The following PRKDC variants were observed in gnomAD, a reference collection of about 807,000 sequenced individuals.
PRKDC encodes protein kinase, DNA-activated, catalytic subunit, also known as DNA-dependent protein kinase catalytic subunit.
A neutral mutation model predicts 486.9 loss-of-function variants in PRKDC; 82 were observed. The ratio of observed to expected loss-of-function variants is 0.17; its 90% CI spans 0.14 to 0.20. The LOEUF is 0.20. Among genes scored for constraint, PRKDC ranks in the 10% least tolerant of loss-of-function variants. The pLI is 1.00. For synonymous variants in PRKDC, 1,895 were observed against 1,837.0 expected, an observed-to-expected ratio of 1.03 and a Z score of -0.81; for missense variants, 4,504 against 5,038.2, an observed-to-expected ratio of 0.89 and a Z score of 3.21.
chr8:47,887,202 A>G lies in PRKDC; in HGVS notation c.4572+345T>C, dbSNP rs183998372. Among the ~76,000 whole-genome samples, 28 of 152,276 alleles carry G rather than the reference A, an allele frequency of 1.8e-4. No homozygotes were observed. The East Asian group carries it at 2.9e-3, about 16-fold the overall frequency. On this transcript the variant is annotated intron_variant, in intron 35 of 85. Transcript: ENST00000314191. ...TGGTTCCTCTGGGATTATCCTTCAG[A>G]GGCCCTCCCAATCATCCATGTGAAG...
At chr8:47,914,462 A>G (rs755237327) in intron 23 of PRKDC, among the ~76,000 whole-genome samples, 6 of 152,226 alleles carry the variant, frequency 3.9e-5, no homozygotes, top group Non-Finnish European at 8.8e-5. Flanking sequence ...AAATTTCAAA[A>G]GTAAAAATAC....
Position 47,851,319 on chromosome 8 carries a change from T to G in PRKDC, c.7005+1354A>C, listed in dbSNP as rs982212365. Among the ~76,000 whole-genome samples, 2 of 152,280 alleles carry G rather than the reference T, an allele frequency of 1.3e-5. 1 individual carries two copies. The highest frequency in any genetic ancestry group is 2.9e-5 in the Non-Finnish European group (2 of 68,044). On this transcript the variant is annotated intron_variant, in intron 52 of 85. Coordinates refer to ENST00000314191, the MANE Select transcript of PRKDC (RefSeq NM_006904.7). ...ATATTATGTAGATTTAAACCTCATATTTAGGGATGTTAGAATCATCTTGTA... is the reference window on the plus strand; with the variant it reads ...ATATTATGTAGATTTAAACCTCATAGTTAGGGATGTTAGAATCATCTTGTA...
chr8:47,867,059 C>T (rs1459286524), intron 40 of PRKDC, among the ~76,000 whole-genome samples: 1 of 152,136 alleles, frequency 6.6e-6, no homozygotes, highest in Non-Finnish European at 1.5e-5. Flanking sequence ...TTATGTTTAA[C>T]AGCAAAAGAT....
rs1488287281 is a variant in PRKDC at position 47,803,464 on chromosome 8, G to C, written c.9764C>G (p.Ala3255Gly). 1 of 1,613,884 alleles carries C rather than the reference G, an allele frequency of 6.2e-7. No homozygotes were observed. Among genetic ancestry groups the C allele is most frequent in the Non-Finnish European group, 8.5e-7 (1 of 1,179,804 alleles). ...SARKQNNFSL[A>G]MKLLKELHKE... is the part of the protein sequence containing the mutation. ...ATGCAGCTCCTTCAGTAGTTTCATA[G>C]CAAGTGAGAAATTGTTCTGTATGAA... Residue 3255 changes from alanine to glycine, a missense_variant, in exon 70 of 86, where the codon GCT (alanine) becomes GGT (glycine). Ala to Gly is a moderately conservative substitution (Grantham distance 60, BLOSUM62 0). Around this residue, in one of 6 missense-constraint regions of PRKDC, gnomAD observed 1,592 missense variants for 1,724.6 expected, o/e 0.92. Coordinates refer to ENST00000314191, the MANE Select transcript of PRKDC (RefSeq NM_006904.7).
At chr8:47,939,500 T>C in intron 11 of PRKDC, 51 bp downstream of exon 11, 1 of 1,570,090 alleles carries the variant, frequency 6.4e-7, no homozygotes, top group Non-Finnish European at 8.7e-7. Flanking sequence ...TAGATTCCTT[T>C]AAACAATCAC....
chr8:47,794,884 CTTTA>C (rs898999531), intron 73 of PRKDC, among the ~76,000 whole-genome samples: 2 of 152,078 alleles, frequency 1.3e-5, no homozygotes, highest in East Asian at 1.9e-4. Context: ...GTACACATAA[CTTTA>C]TTTATTTATT....
intron 25 of PRKDC, 134 bp downstream of exon 25, chr8:47,912,276 G>A (rs920550332): frequency 5.0e-6 from 5 of 1,002,080 alleles, no homozygotes; most frequent in African/African-American, 1.7e-5. Context: ...TTAAACCAGA[G>A]CACCTGGGGT....
chr8:47,809,803 G>A (rs781548810), intron 68 of PRKDC, among the ~76,000 whole-genome samples: 8 of 152,210 alleles, frequency 5.3e-5, no homozygotes, highest in Non-Finnish European at 8.8e-5. Flanking sequence ...CTGTATGTAT[G>A]CGCAGGGAAA....
intron 35 of PRKDC, among the ~76,000 whole-genome samples, chr8:47,887,014 T>A (rs1326997189): frequency 1.3e-5 from 2 of 152,162 alleles, no homozygotes; most frequent in Non-Finnish European, 2.9e-5. Flanking sequence ...ATTGTTTACA[T>A]TAATCGGACA....
intron 54 of PRKDC, among the ~76,000 whole-genome samples, chr8:47,841,743 G>T (rs777995789): frequency 6.6e-6 from 1 of 152,222 alleles, no homozygotes; most frequent in Non-Finnish European, 1.5e-5. Context: ...GAAGGGTGAG[G>T]CCTGTTTGCC....
At chr8:47,848,460 C>T (rs564068283) in intron 54 of PRKDC, among the ~76,000 whole-genome samples, 1 of 152,000 alleles carries the variant, frequency 6.6e-6, no homozygotes, top group Non-Finnish European at 1.5e-5. Flanking sequence ...AAGTCAGGAA[C>T]AACAGACACT....
Position 47,839,289 on chromosome 8 carries a change from T to C in PRKDC, c.7455-43A>G, listed in dbSNP as rs1360172691. On this transcript the variant is annotated intron_variant, in intron 55 of 85. Transcript: ENST00000314191. ...AAAATGTCACAACATTAATGCTCTC[T>C]TCTGGCCCTTTTGTTCAACTACAGT... 3 of 1,391,806 alleles carry C rather than the reference T, an allele frequency of 2.2e-6. No individual in the cohort carries two copies. In the Admixed American group the frequency reaches 5.4e-5, roughly 25 times the overall value. The allele number at this position is 1,391,806 out of a possible 1,614,324, so 86.2% of individuals were successfully genotyped here.
rs561583844 is a variant in PRKDC at position 47,932,539 on chromosome 8, T to A, written c.1776+481A>T. Among the ~76,000 whole-genome samples the A allele has an allele frequency of 3.3e-5, 5 of 152,170 alleles. 1 individual carries two copies. The South Asian group carries it at 1.0e-3, about 32-fold the overall frequency. On this transcript the variant is annotated intron_variant, in intron 16 of 85. Coordinates refer to ENST00000314191, the MANE Select transcript of PRKDC (RefSeq NM_006904.7). ...GCCTAAGCCATGACTTATCTTTAAC[T>A]CAGGCTAGGAAAATTGGGTGTGAAA...
intron 80 of PRKDC, among the ~76,000 whole-genome samples, chr8:47,780,326 T>C (rs2086677491): frequency 6.6e-6 from 1 of 152,212 alleles, no homozygotes. Context: ...TCTGCACTCC[T>C]ATGAGAAAAT....
At chr8:47,852,550 A>C in intron 52 of PRKDC, 123 bp downstream of exon 52, 1 of 550,738 alleles carries the variant, frequency 1.8e-6, no homozygotes, top group Admixed American at 3.6e-5. Context: ...GTAAAATTTT[A>C]ATAAATGCAG....
At chr8:47,882,598 G>A (rs2089244308) in intron 36 of PRKDC, among the ~76,000 whole-genome samples, 1 of 152,106 alleles carries the variant, frequency 6.6e-6, no homozygotes, top group South Asian at 2.1e-4. Flanking sequence ...ACACACAGGT[G>A]TACACACACA....
chr8:47,905,182 C>T (rs994852491), intron 25 of PRKDC, among the ~76,000 whole-genome samples: 2 of 152,154 alleles, frequency 1.3e-5, no homozygotes. Context: ...TGTACCACCA[C>T]ACCCAGTTAA....
chr8:47,947,637 A>G (rs1349307246), intron 7 of PRKDC, among the ~76,000 whole-genome samples: 3 of 152,182 alleles, frequency 2.0e-5, no homozygotes, highest in Admixed American at 1.3e-4. Context: ...GGCCGGGTAC[A>G]GTGGCTTATG....
At position 47,821,007 on chromosome 8, in the gene PRKDC, ATTTC is replaced by A; in HGVS notation, c.9112-68_9112-65del. On this transcript the variant is annotated intron_variant, in intron 65 of 85. Coordinates refer to ENST00000314191, the MANE Select transcript of PRKDC (RefSeq NM_006904.7). Reference sequence around the variant, plus strand: ...CAATTTGAGTATGTCTAATTATTTTATTTCTATTATATTCTTTGCTATACTTTCA... The same window carrying A: ...CAATTTGAGTATGTCTAATTATTTTATATTATATTCTTTGCTATACTTTCA... 3 of 1,034,490 alleles carry A rather than the reference ATTTC, an allele frequency of 2.9e-6. No individual in the cohort carries two copies. In the South Asian group the frequency reaches 6.9e-5, roughly 24 times the overall value. 64.1% of individuals were successfully genotyped at this position (1,034,490 alleles called of 1,614,324 possible). A position where few individuals can be genotyped will look rare whatever the true frequency, so the allele number is the denominator to read the frequency against.
Sources: gnomAD v4.1 joint callset for allele counts (sites outside exome capture counted in the v4.1 genomes callset) on GRCh38, gnomAD v4.1.1 for gene constraint, gnomAD v4.1.1 regional missense constraint, MANE v1.5 for transcripts, NCBI Gene and HGNC (gene_info 2026-07-23, HGNC 2026-07-21) for gene names.